The following TTC29 variants were observed in gnomAD, a reference collection of about 807,000 sequenced individuals.
TTC29 encodes the protein tetratricopeptide repeat domain 29, also known as tetratricopeptide repeat protein 29.
In TTC29, 49 loss-of-function variants were observed where a neutral mutation model predicts 58.1. The observed-to-expected ratio is 0.84, with a 90% CI of 0.67 to 1.07. TTC29 has a LOEUF of 1.07. Ranked by LOEUF, TTC29 falls within the 50% of genes least tolerant of loss-of-function variation. TTC29 has a pLI of 0.00. For missense variants in TTC29, 582 were observed against 555.6 expected (o/e 1.05, Z -0.48); for synonymous variants, 209 against 196.8 (o/e 1.06, Z -0.52).
rs141901649 is a variant in TTC29, at chr4:146,717,938, CTTT to C, written c.1331-10390_1331-10388del. ...ATAACCATCCTTCTGCTCTCTGCTT[CTTT>C]GAGTTAGATTATTTTAGATTCCAAT... On this transcript the variant is annotated intron_variant, in intron 11 of 12. Transcript: ENST00000325106. Among the ~76,000 whole-genome samples, 1,444 of 152,210 alleles carry C rather than the reference CTTT, an allele frequency of 9.5e-3. 19 individuals carry two copies. Among genetic ancestry groups the C allele is most frequent in the African/African-American group, 0.033 (1,366 of 41,546 alleles).
At chr4:146,886,742 T>G (rs866511763) in intron 6 of TTC29, among the ~76,000 whole-genome samples, 2 of 152,150 alleles carry the variant, frequency 1.3e-5, no homozygotes, top group Non-Finnish European at 2.9e-5. Flanking sequence ...AAGGTTGACT[T>G]TGTAAGGTCT....
intron 4 of TTC29, among the ~76,000 whole-genome samples, chr4:146,929,000 C>G (rs1409738123): frequency 6.6e-6 from 1 of 151,958 alleles, no homozygotes; most frequent in African/African-American, 2.4e-5. Flanking sequence ...ATCCAAAAAG[C>G]ATAAAAGAGA....
intron 11 of TTC29, among the ~76,000 whole-genome samples, chr4:146,786,693 T>G (rs1397860310): frequency 1.3e-5 from 2 of 152,214 alleles, no homozygotes; most frequent in Non-Finnish European, 2.9e-5. Flanking sequence ...TGACTAATAT[T>G]GTGATAAATG....
intron 6 of TTC29, among the ~76,000 whole-genome samples, chr4:146,897,940 G>A (rs570525208): frequency 1.3e-5 from 2 of 152,286 alleles, no homozygotes; most frequent in East Asian, 3.9e-4. Flanking sequence ...ATGACCCCTG[G>A]AAAACTGAGG....
At position 146,945,813 on chromosome 4, in the gene TTC29, A is replaced by C. The variant is rs1321708977; in HGVS notation, c.-158T>G. ...CGTTGGCGCTGCCCCCTCCTCTCTC[A>C]GTGATTCCGAAGCCTGGCTCCGCCG... On this transcript the variant is annotated 5_prime_UTR_variant, in exon 1 of 13. Coordinates refer to ENST00000325106, the MANE Select transcript of TTC29 (RefSeq NM_031956.4). 1 of 152,348 alleles carries C rather than the reference A, an allele frequency of 6.6e-6. No individual in the cohort carries two copies. Among genetic ancestry groups the C allele is most frequent in the African/African-American group, 2.4e-5 (1 of 41,440 alleles). 9.4% of individuals were successfully genotyped at this position (152,348 alleles called of 1,614,324 possible).
intron 5 of TTC29, among the ~76,000 whole-genome samples, chr4:146,904,003 T>C (rs1056975706): frequency 6.6e-6 from 1 of 152,190 alleles, no homozygotes; most frequent in Non-Finnish European, 1.5e-5. Context: ...CAGGAGGCTT[T>C]AAGATGTAGG....
chr4:146,770,220 A>T (rs978507454), intron 11 of TTC29, among the ~76,000 whole-genome samples: 1 of 151,984 alleles, frequency 6.6e-6, no homozygotes, highest in Non-Finnish European at 1.5e-5. Flanking sequence ...CTAACAGTGG[A>T]GTCTGAAGTG....
At chr4:146,754,638 T>C (rs1354985202) in intron 11 of TTC29, among the ~76,000 whole-genome samples, 1 of 152,186 alleles carries the variant, frequency 6.6e-6, no homozygotes, top group Non-Finnish European at 1.5e-5. Flanking sequence ...ATCAATATGA[T>C]ACATCACATT....
At chr4:146,857,558 A>C (rs1277576292) in intron 8 of TTC29, among the ~76,000 whole-genome samples, 2 of 152,090 alleles carry the variant, frequency 1.3e-5, no homozygotes, top group Non-Finnish European at 2.9e-5. Flanking sequence ...ACTACACACG[A>C]CCAGGAGGCA....
At chr4:146,760,680 G>A (rs1349592539) in intron 11 of TTC29, among the ~76,000 whole-genome samples, 4 of 151,018 alleles carry the variant, frequency 2.6e-5, no homozygotes, top group Admixed American at 6.6e-5. Context: ...AAAACATAAA[G>A]TGGGGAAAGG....
intron 2 of TTC29, among the ~76,000 whole-genome samples, chr4:146,941,502 A>T (rs575833188): frequency 6.6e-6 from 1 of 152,320 alleles, no homozygotes; most frequent in South Asian, 2.1e-4. Context: ...ACACTAAACA[A>T]ATAAGCAAAA....
intron 10 of TTC29, among the ~76,000 whole-genome samples, chr4:146,810,588 CTTTT>C (rs398051307): frequency 1.0e-5 from 1 of 96,316 alleles, no homozygotes. Flanking sequence ...TACATACCTT[CTTTT>C]TTTTTTTTTT....
At chr4:146,771,175 A>C (rs1033187301) in intron 11 of TTC29, among the ~76,000 whole-genome samples, 1 of 152,118 alleles carries the variant, frequency 6.6e-6, no homozygotes, top group African/African-American at 2.4e-5. Flanking sequence ...CTAAGCCTTC[A>C]TTATTAAGAA....
intron 11 of TTC29, among the ~76,000 whole-genome samples, chr4:146,789,514 T>C (rs1749273914): frequency 6.6e-6 from 1 of 152,190 alleles, no homozygotes; most frequent in Non-Finnish European, 1.5e-5. Flanking sequence ...GAAGTTTAAT[T>C]TTCCACAGGG....
At chr4:146,843,252 C>G (rs996581943) in intron 8 of TTC29, among the ~76,000 whole-genome samples, 1 of 152,140 alleles carries the variant, frequency 6.6e-6, no homozygotes, top group Non-Finnish European at 1.5e-5. Context: ...AACACTAATT[C>G]TTTTCTACAA....
At chr4:146,820,676 AC>A (rs1356395374) in intron 9 of TTC29, among the ~76,000 whole-genome samples, 7 of 152,220 alleles carry the variant, frequency 4.6e-5, no homozygotes, top group African/African-American at 1.4e-4. Context: ...ATGTATATCA[AC>A]TGATGAATGG....
At chr4:146,769,515 A>G (rs776328559) in intron 11 of TTC29, among the ~76,000 whole-genome samples, 1 of 152,034 alleles carries the variant, frequency 6.6e-6, no homozygotes, top group Non-Finnish European at 1.5e-5. Flanking sequence ...GATTAAGCAT[A>G]TATTTTTTAT....
At chr4:146,869,179 C>G (rs1730770412) in intron 7 of TTC29, among the ~76,000 whole-genome samples, 1 of 149,870 alleles carries the variant, frequency 6.7e-6, no homozygotes, top group South Asian at 2.1e-4. Context: ...GCAAAATAGA[C>G]TAATACAGGA....
In TTC29 at chr4:146,923,713, A is replaced by C. The variant is rs576836513; in HGVS notation, c.176+13881T>G. 4.6e-5 allele frequency among the ~76,000 whole-genome samples: 7 copies of C among 151,974 alleles called. No individual in the cohort carries two copies. In the East Asian group the frequency reaches 1.4e-3, roughly 29 times the overall value. ...TATTTTAATAATGTCAGTTCTCCTA[A>C]AATAACATATGAACTTAACACAATC... is the stretch of plus-strand genomic sequence containing the variant. On this transcript the variant is annotated intron_variant, in intron 4 of 12. Transcript: ENST00000325106.
Sources: gnomAD v4.1 joint callset for allele counts (sites outside exome capture counted in the v4.1 genomes callset) on GRCh38, gnomAD v4.1.1 for gene constraint, MANE v1.5 for transcripts, NCBI Gene and HGNC (gene_info 2026-07-23, HGNC 2026-07-21) for gene names.